SH3PXD2A: variants seen among roughly 807,000 people sequenced by gnomAD.
SH3PXD2A encodes the protein SH3 and PX domains 2A.
In SH3PXD2A, 32 loss-of-function variants were observed where a neutral mutation model predicts 115.2. The observed-to-expected ratio is 0.28, with a 90% CI of 0.21 to 0.37. The LOEUF is 0.37. Among genes scored for constraint, SH3PXD2A ranks in the 10% least tolerant of loss-of-function variants. The pLI is 1.00. For missense variants in SH3PXD2A, 1,328 were observed against 1,498.7 expected (o/e 0.89, Z 1.88); for synonymous variants, 610 against 629.1 (o/e 0.97, Z 0.45).
At chr10:103,667,600 C>T (rs929450188) in intron 7 of SH3PXD2A, among the ~76,000 whole-genome samples, 2 of 152,218 alleles carry the variant, frequency 1.3e-5, no homozygotes, top group Admixed American at 6.5e-5. Flanking sequence ...CCTCCCAACA[C>T]GTTTACCTCC....
In SH3PXD2A at chr10:103,769,169, TGTGTGTGTGTGTGC is replaced by T. The variant is rs1484297307; in HGVS notation, c.154-2014_154-2001del. On this transcript the variant is annotated intron_variant, in intron 2 of 14. Coordinates refer to ENST00000369774, the MANE Select transcript of SH3PXD2A (RefSeq NM_001394015.1). ...GTGTGTGTGTGTGTGTGTGTGTGTG[TGTGTGTGTGTGTGC>T]GCGCGCGCGCGCATTTATTTCCATC... Among the ~76,000 whole-genome samples, 756 of 112,430 alleles carry T rather than the reference TGTGTGTGTGTGTGC, an allele frequency of 6.7e-3. 6 individuals carry two copies. The highest frequency in any genetic ancestry group is 0.031 in the Middle Eastern group (7 of 228). 73.8% of individuals were successfully genotyped at this position (112,430 alleles called of 152,430 possible). A position where few individuals can be genotyped will look rare whatever the true frequency, so the allele number is the denominator to read the frequency against.
intron 1 of SH3PXD2A, among the ~76,000 whole-genome samples, chr10:103,830,308 TA>T (rs2134302561): frequency 6.6e-6 from 1 of 152,248 alleles, no homozygotes; most frequent in Non-Finnish European, 1.5e-5. Flanking sequence ...AGGAAGAGAT[TA>T]AAACTCACTA....
chr10:103,652,712 G>T (rs1435883722), intron 8 of SH3PXD2A, among the ~76,000 whole-genome samples: 1 of 152,170 alleles, frequency 6.6e-6, no homozygotes, highest in African/African-American at 2.4e-5. Flanking sequence ...TTCAGCCGGG[G>T]AGGGGGGTGA....
intron 8 of SH3PXD2A, among the ~76,000 whole-genome samples, chr10:103,633,415 GAAAAAC>G (rs771244070): frequency 4.6e-5 from 7 of 151,292 alleles, no homozygotes; most frequent in African/African-American, 9.7e-5. Flanking sequence ...GACTCTGTCT[GAAAAAC>G]AAAAACAAAA....
rs1318457484 is a variant in SH3PXD2A at position 103,627,865 on chromosome 10, T to G, written c.605-663A>C. Among the ~76,000 whole-genome samples, 5 of 152,234 alleles carry G rather than the reference T, an allele frequency of 3.3e-5. No individual in the cohort carries two copies. The highest frequency in any genetic ancestry group is 9.6e-5 in the African/African-American group (4 of 41,468). On this transcript the variant is annotated intron_variant, in intron 8 of 14. Coordinates refer to ENST00000369774, the MANE Select transcript of SH3PXD2A (RefSeq NM_001394015.1). The surrounding 1 kb of genome is among the most constrained non-coding windows in gnomAD (Gnocchi z 4.4). ...AGGTCTTGGGACTCCACTAACTGCC[T>G]TTGGTCCCTTCCGAGAAGGTCCTCT...
chr10:103,622,233 T>C (rs963297825), intron 10 of SH3PXD2A, among the ~76,000 whole-genome samples: 2 of 152,058 alleles, frequency 1.3e-5, no homozygotes, highest in African/African-American at 4.8e-5. Flanking sequence ...CCCACAACTG[T>C]GTTCCATGAC....
intron 13 of SH3PXD2A, among the ~76,000 whole-genome samples, chr10:103,610,644 G>A (rs1000116133): frequency 6.6e-6 from 1 of 152,200 alleles, no homozygotes; most frequent in Non-Finnish European, 1.5e-5. Context: ...AAGCCCAGAT[G>A]TGACTTCAGA....
At chr10:103,705,995 T>C (rs1481262866) in intron 5 of SH3PXD2A, among the ~76,000 whole-genome samples, 1 of 145,586 alleles carries the variant, frequency 6.9e-6, no homozygotes, top group East Asian at 2.0e-4. Context: ...CAAGACTCTG[T>C]CTCAAAAAGA....
At chr10:103,699,369 A>T (rs2037864160) in intron 5 of SH3PXD2A, among the ~76,000 whole-genome samples, 1 of 152,218 alleles carries the variant, frequency 6.6e-6, no homozygotes, top group Non-Finnish European at 1.5e-5. Context: ...CACCTGCATC[A>T]GATGTCTGTC....
chr10:103,656,920 C>T (rs1861754620), intron 8 of SH3PXD2A, among the ~76,000 whole-genome samples: 1 of 151,718 alleles, frequency 6.6e-6, no homozygotes, highest in Non-Finnish European at 1.5e-5. Context: ...TTCCAGCCTC[C>T]TAAGGCTGAT....
intron 6 of SH3PXD2A, among the ~76,000 whole-genome samples, chr10:103,679,634 CAGG>C (rs1289073473): frequency 6.6e-6 from 1 of 152,224 alleles, no homozygotes; most frequent in Non-Finnish European, 1.5e-5. Context: ...CTGTGTATGG[CAGG>C]AGCTCACAGG....
chr10:103,855,248 G>C lies in SH3PXD2A; in HGVS notation c.19C>G (p.Gln7Glu). Residue 7 changes from glutamine to glutamate, a missense_variant, in exon 1 of 15, where the codon CAG becomes GAG. This residue lies in a region of SH3PXD2A where 110 missense variants were observed against 160.0 expected (regional missense o/e 0.69). Coordinates refer to ENST00000369774, the MANE Select transcript of SH3PXD2A (RefSeq NM_001394015.1). ...TCCACGTCCACCACGGTGGCATCCTGCACGCAGTAGGCGAGCATCTTCCCC... is the reference window on the plus strand; with the variant it reads ...TCCACGTCCACCACGGTGGCATCCTCCACGCAGTAGGCGAGCATCTTCCCC... MLAYCV[Q>E]DATVVDVEKR... 6.5e-7 allele frequency: 1 copy of C among 1,535,148 alleles called. No individual in the cohort carries two copies. The highest frequency in any genetic ancestry group is 1.2e-5 in the South Asian group (1 of 82,266).
At chr10:103,722,736 A>AT (rs2038197307) in intron 5 of SH3PXD2A, among the ~76,000 whole-genome samples, 1 of 152,050 alleles carries the variant, frequency 6.6e-6, no homozygotes, top group Admixed American at 6.6e-5. Flanking sequence ...CTGCCTGGAC[A>AT]TTACACAGCT....
chr10:103,804,401 G>A (rs890236831), intron 1 of SH3PXD2A, among the ~76,000 whole-genome samples: 5 of 134,612 alleles, frequency 3.7e-5, no homozygotes, highest in Admixed American at 8.6e-5. Context: ...GGCTCATTGT[G>A]ACCTCCGCCT....
intron 5 of SH3PXD2A, among the ~76,000 whole-genome samples, chr10:103,723,738 A>C (rs1240246811): frequency 6.6e-6 from 1 of 152,222 alleles, no homozygotes; most frequent in Non-Finnish European, 1.5e-5. Context: ...GGACTATTGA[A>C]TATGGTAATG....
chr10:103,704,047 C>G (rs1474893807), intron 5 of SH3PXD2A, among the ~76,000 whole-genome samples: 1 of 152,210 alleles, frequency 6.6e-6, no homozygotes, highest in East Asian at 1.9e-4. Flanking sequence ...CACAGTCAGG[C>G]TCAGTAACAG....
chr10:103,828,312 C>A (rs1372384562), intron 1 of SH3PXD2A, among the ~76,000 whole-genome samples: 1 of 152,168 alleles, frequency 6.6e-6, no homozygotes, highest in South Asian at 2.1e-4. Context: ...GAACAACATT[C>A]TCATGTTGCA....
intron 4 of SH3PXD2A, among the ~76,000 whole-genome samples, chr10:103,728,901 T>G (rs145592042): frequency 0.03 from 4,569 of 149,940 alleles, 275 homozygotes; most frequent in African/African-American, 0.1. Flanking sequence ...TTGTTTGTTT[T>G]TTTTTTTTTG....
chr10:103,786,276 C>T (rs1006859440), intron 2 of SH3PXD2A, among the ~76,000 whole-genome samples: 1 of 152,192 alleles, frequency 6.6e-6, no homozygotes, highest in Admixed American at 6.5e-5. Context: ...GATTCCAGCA[C>T]CAGACTGCCC....
Sources: gnomAD v4.1 joint callset for allele counts (sites outside exome capture counted in the v4.1 genomes callset) on GRCh38, gnomAD v4.1.1 for gene constraint, gnomAD v4.1.1 regional missense constraint, Gnocchi (gnomAD v3.1) non-coding constraint, MANE v1.5 for transcripts, NCBI Gene and HGNC (gene_info 2026-07-23, HGNC 2026-07-21) for gene names.